The following DCDC1 variants were observed in gnomAD, a reference collection of about 807,000 sequenced individuals.
DCDC1 encodes doublecortin domain-containing protein 1.
In DCDC1, 200 loss-of-function variants were observed where a neutral mutation model predicts 178.3. The ratio of observed to expected loss-of-function variants is 1.12; its 90% confidence interval spans 1.00 to 1.26. The LOEUF is 1.26. Ranked by LOEUF, DCDC1 falls within the 50% of genes most tolerant of loss-of-function variation. DCDC1 has a pLI of 0.00. For synonymous variants in DCDC1, 690 were observed against 604.8 expected, an observed-to-expected ratio of 1.14 and a Z score of -2.07; for missense variants, 1,983 against 1,749.2, an observed-to-expected ratio of 1.13 and a Z score of -2.38.
intron 7 of DCDC1, among the ~76,000 whole-genome samples, chr11:31,273,089 C>T (rs755919444): frequency 9.2e-5 from 14 of 152,138 alleles, no homozygotes; most frequent in Non-Finnish European, 1.8e-4. Flanking sequence ...ATTTTTTCCT[C>T]CTAGGCCTCC....
chr11:30,991,854 T>C (rs554926430), intron 20 of DCDC1, among the ~76,000 whole-genome samples: 53 of 152,326 alleles, frequency 3.5e-4, no homozygotes, highest in African/African-American at 1.2e-3. Context: ...AAAACAGCTT[T>C]CATAATATTT....
intron 20 of DCDC1, among the ~76,000 whole-genome samples, chr11:30,957,921 T>C (rs1035354534): frequency 2.6e-5 from 4 of 152,292 alleles, no homozygotes; most frequent in African/African-American, 9.6e-5. Flanking sequence ...AGTTTCTCTA[T>C]GACTATTTGA....
At chr11:31,231,350 G>C (rs985325673) in intron 9 of DCDC1, among the ~76,000 whole-genome samples, 4 of 152,112 alleles carry the variant, frequency 2.6e-5, no homozygotes, top group African/African-American at 9.7e-5. Context: ...CCTATCACAA[G>C]TTTATGACAC....
chr11:30,945,130 G>A (rs962743633), intron 21 of DCDC1, among the ~76,000 whole-genome samples: 13 of 151,166 alleles, frequency 8.6e-5, no homozygotes, highest in Admixed American at 4.0e-4. Flanking sequence ...CACCATGCCC[G>A]GCAAATTTTT....
chr11:31,082,299 T>A (rs1345171693), intron 17 of DCDC1, among the ~76,000 whole-genome samples: 3 of 152,090 alleles, frequency 2.0e-5, no homozygotes, highest in South Asian at 2.1e-4. Flanking sequence ...AATTTTTTTT[T>A]AATAATGATG....
chr11:31,039,406 A>C (rs1281996374), intron 20 of DCDC1, among the ~76,000 whole-genome samples: 1 of 152,178 alleles, frequency 6.6e-6, no homozygotes, highest in Non-Finnish European at 1.5e-5. Context: ...TCTAAGTTTC[A>C]ACTGTTTCAG....
intron 38 of DCDC1, among the ~76,000 whole-genome samples, chr11:30,875,182 T>G (rs1049728569): frequency 1.3e-5 from 2 of 152,180 alleles, no homozygotes; most frequent in Non-Finnish European, 2.9e-5. Context: ...TTTCATCAGC[T>G]TTCTCCTGAG....
At chr11:30,967,413 G>T (rs371744511) in intron 20 of DCDC1, among the ~76,000 whole-genome samples, 1 of 152,052 alleles carries the variant, frequency 6.6e-6, no homozygotes, top group Non-Finnish European at 1.5e-5. Context: ...AAACCCCATC[G>T]TCTCAGCCCA....
At chr11:30,910,158 G>A (rs1041017951) in intron 28 of DCDC1, among the ~76,000 whole-genome samples, 2 of 152,102 alleles carry the variant, frequency 1.3e-5, no homozygotes, top group East Asian at 1.9e-4. Flanking sequence ...TCTCACAAAC[G>A]AGTTGTTTCA....
chr11:31,211,786 A>G (rs553396913), intron 9 of DCDC1, among the ~76,000 whole-genome samples: 1 of 152,034 alleles, frequency 6.6e-6, no homozygotes, highest in African/African-American at 2.4e-5. Flanking sequence ...ACTGAGCTTT[A>G]AAAAAAAGCT....
At chr11:31,154,023 G>A (rs1965468552) in intron 9 of DCDC1, among the ~76,000 whole-genome samples, 1 of 152,106 alleles carries the variant, frequency 6.6e-6, no homozygotes, top group South Asian at 2.1e-4. Flanking sequence ...TAGATCATGG[G>A]GGCAGATTTC....
At chr11:31,276,624 G>GA (rs1350345867) in intron 7 of DCDC1, among the ~76,000 whole-genome samples, 6 of 152,064 alleles carry the variant, frequency 3.9e-5, no homozygotes, top group Admixed American at 2.6e-4. Flanking sequence ...ATGTTAACCA[G>GA]AAAATGCCAG....
chr11:30,942,686 G>C lies in DCDC1; in HGVS notation c.2715+9759C>G, dbSNP rs1431729767. ...TTCTACATTTTCTCACTTCCAACTTGTCCCATGGCAAATGGTAGCATCTGC... is the reference window on the plus strand; with the variant it reads ...TTCTACATTTTCTCACTTCCAACTTCTCCCATGGCAAATGGTAGCATCTGC... On this transcript the variant is annotated intron_variant, in intron 21 of 38. Coordinates refer to ENST00000684477, the MANE Select transcript of DCDC1 (RefSeq NM_001387274.1). 5.3e-5 allele frequency among the ~76,000 whole-genome samples: 8 copies of C among 152,176 alleles called. No individual in the cohort carries two copies. In the East Asian group the frequency reaches 1.5e-3, roughly 29 times the overall value.
intron 20 of DCDC1, among the ~76,000 whole-genome samples, chr11:30,995,630 A>G (rs1225092985): frequency 2.0e-5 from 3 of 152,204 alleles, no homozygotes; most frequent in Non-Finnish European, 2.9e-5. Flanking sequence ...GACTTTTGAC[A>G]TAGGTAGAAA....
intron 12 of DCDC1, among the ~76,000 whole-genome samples, chr11:31,109,601 G>A (rs1959071988): frequency 6.6e-6 from 1 of 152,154 alleles, no homozygotes; most frequent in African/African-American, 2.4e-5. Context: ...GTAAGTCTGA[G>A]GGTGCTGAAC....
intron 20 of DCDC1, among the ~76,000 whole-genome samples, chr11:31,032,272 C>T (rs1348772892): frequency 2.0e-5 from 3 of 152,084 alleles, no homozygotes; most frequent in African/African-American, 7.2e-5. Flanking sequence ...GGATATAGGT[C>T]ATAACAAGTG....
chr11:31,191,123 T>C (rs755300186), intron 9 of DCDC1, among the ~76,000 whole-genome samples: 34 of 152,152 alleles, frequency 2.2e-4, no homozygotes, highest in Non-Finnish European at 3.4e-4. Flanking sequence ...TAGGAAGTGA[T>C]TGTTATCAGT....
chr11:31,311,795 T>A (rs752611291), intron 3 of DCDC1, among the ~76,000 whole-genome samples: 13 of 152,204 alleles, frequency 8.5e-5, no homozygotes, highest in Non-Finnish European at 1.9e-4. Flanking sequence ...ATCCTCCCCA[T>A]TTATTTCTGA....
At chr11:31,079,855 G>A (rs1957074680) in intron 17 of DCDC1, among the ~76,000 whole-genome samples, 1 of 152,180 alleles carries the variant, frequency 6.6e-6, no homozygotes, top group South Asian at 2.1e-4. Context: ...ATTGGGAAAA[G>A]AAGAGGAACA....
Sources: allele counts gnomAD v4.1 joint callset (sites outside exome capture counted in the v4.1 genomes callset), GRCh38; gene constraint gnomAD v4.1.1; transcripts MANE v1.5; gene names NCBI Gene and HGNC (gene_info 2026-07-23, HGNC 2026-07-21).